NDST4: variants seen among roughly 807,000 people sequenced by gnomAD.
The protein encoded by NDST4 is N-deacetylase and N-sulfotransferase 4.
NDST4 carries 63 observed loss-of-function variants against 100.8 expected under a neutral mutation model. That is an observed-to-expected ratio of 0.62 (90% CI 0.51 to 0.77). NDST4 has a LOEUF of 0.77. NDST4 is among the 30% of genes least tolerant of loss of function. The probability of loss-of-function intolerance (pLI) is 0.00; values close to 1 mark genes in which losing one functional copy is unlikely to be tolerated. For synonymous variants in NDST4, 377 were observed against 361.8 expected, an observed-to-expected ratio of 1.04 and a Z score of -0.48; for missense variants, 943 against 1,018.4, an observed-to-expected ratio of 0.93 and a Z score of 1.01.
intron 8 of NDST4, 73 bp from the exon 9 acceptor site, chr4:114,848,411 CA>C (rs1316826174): frequency 1.7e-6 from 2 of 1,197,004 alleles, no homozygotes; most frequent in Non-Finnish European, 2.3e-6. Context: ...TATTTTTGCT[CA>C]AAAAGTAATA....
intron 2 of NDST4, among the ~76,000 whole-genome samples, chr4:114,983,323 T>C (rs994822031): frequency 2.6e-5 from 4 of 152,294 alleles, no homozygotes; most frequent in African/African-American, 9.6e-5. Context: ...AAAGCAGCCA[T>C]GGGGGCTGTA....
intron 7 of NDST4, among the ~76,000 whole-genome samples, chr4:114,866,523 T>C (rs1724029123): frequency 6.6e-6 from 1 of 152,202 alleles, no homozygotes; most frequent in African/African-American, 2.4e-5. Flanking sequence ...TGTGCCACTT[T>C]TCTTGTTCTT....
intron 1 of NDST4, among the ~76,000 whole-genome samples, chr4:115,082,063 C>T (rs542122731): frequency 1.3e-5 from 2 of 152,124 alleles, no homozygotes; most frequent in South Asian, 2.1e-4. Flanking sequence ...CTTCATGACC[C>T]CTGCACAGGC....
At chr4:115,045,658 C>A (rs996610979) in intron 2 of NDST4, among the ~76,000 whole-genome samples, 1 of 152,108 alleles carries the variant, frequency 6.6e-6, no homozygotes, top group South Asian at 2.1e-4. Context: ...TCTGGAGAGG[C>A]CACTGAGTCT....
intron 12 of NDST4, among the ~76,000 whole-genome samples, chr4:114,832,842 C>A (rs777609775): frequency 6.6e-6 from 1 of 152,178 alleles, no homozygotes; most frequent in Non-Finnish European, 1.5e-5. Context: ...AAAGCCAAGT[C>A]ATCCAGGAGG....
intron 4 of NDST4, among the ~76,000 whole-genome samples, chr4:114,938,092 G>T (rs1725672709): frequency 6.6e-6 from 1 of 152,114 alleles, no homozygotes; most frequent in South Asian, 2.1e-4. Context: ...AACTGTAAGG[G>T]GAAGAAAGTG....
intron 13 of NDST4, among the ~76,000 whole-genome samples, chr4:114,828,434 C>A (rs550454430): frequency 6.6e-6 from 1 of 152,064 alleles, no homozygotes; most frequent in African/African-American, 2.4e-5. Flanking sequence ...TTACTCAGAG[C>A]TGAAATATAT....
intron 2 of NDST4, among the ~76,000 whole-genome samples, chr4:114,982,607 G>A (rs996322934): frequency 6.6e-6 from 1 of 152,108 alleles, no homozygotes; most frequent in Admixed American, 6.6e-5. Flanking sequence ...TAAAAGTGAA[G>A]CAGAACATAA....
intron 11 of NDST4, among the ~76,000 whole-genome samples, chr4:114,836,915 T>A (rs1417559208): frequency 6.6e-6 from 1 of 152,152 alleles, no homozygotes; most frequent in Non-Finnish European, 1.5e-5. Flanking sequence ...ATTCGGCTAT[T>A]GATACTTGTG....
chr4:115,006,576 G>A (rs985480188), intron 2 of NDST4, among the ~76,000 whole-genome samples: 1 of 152,052 alleles, frequency 6.6e-6, no homozygotes, highest in African/African-American at 2.4e-5. Flanking sequence ...AACATGTAGA[G>A]GCATAGGAAT....
intron 2 of NDST4, among the ~76,000 whole-genome samples, chr4:115,013,370 T>TATATATATATATAC (rs74678897): frequency 0.07 from 4,974 of 71,006 alleles, 345 homozygotes; most frequent in Non-Finnish European, 0.087. Flanking sequence ...TATATATATA[T>TATATATATATATAC]ACACACACAT....
chr4:114,911,193 G>A (rs988066555), intron 6 of NDST4, among the ~76,000 whole-genome samples: 7 of 151,884 alleles, frequency 4.6e-5, no homozygotes, highest in African/African-American at 1.2e-4. Context: ...TTCGCATTGC[G>A]TGACTTAGTC....
intron 7 of NDST4, among the ~76,000 whole-genome samples, chr4:114,856,583 G>C (rs571382946): frequency 3.3e-5 from 5 of 152,120 alleles, no homozygotes; most frequent in Admixed American, 1.3e-4. Flanking sequence ...TTTATTCTAT[G>C]ACAGAATATA....
At chr4:114,980,687 G>T (rs144637355) in intron 2 of NDST4, among the ~76,000 whole-genome samples, 1 of 151,712 alleles carries the variant, frequency 6.6e-6, no homozygotes, top group Non-Finnish European at 1.5e-5. Flanking sequence ...AATAAAATGC[G>T]TTTAGAGCTT....
intron 13 of NDST4, 82 bp downstream of exon 13, chr4:114,829,708 A>G (rs1723152930): frequency 1.1e-6 from 1 of 929,646 alleles, no homozygotes; most frequent in Non-Finnish European, 1.6e-6. Context: ...AGAAAAAGGA[A>G]GCAAATTTCT....
chr4:114,954,962 A>G (rs1726106348), intron 4 of NDST4, among the ~76,000 whole-genome samples: 2 of 152,070 alleles, frequency 1.3e-5, no homozygotes, highest in South Asian at 2.1e-4. Flanking sequence ...GCCTTCTACC[A>G]AGGTTAGAAG....
chr4:115,092,045 C>G (rs1729530876), intron 1 of NDST4, among the ~76,000 whole-genome samples: 1 of 152,096 alleles, frequency 6.6e-6, no homozygotes, highest in Admixed American at 6.5e-5. Context: ...CATTACTCTA[C>G]TGAAGTTATG....
chr4:115,086,553 A>G (rs918991463), intron 1 of NDST4, among the ~76,000 whole-genome samples: 1 of 152,082 alleles, frequency 6.6e-6, no homozygotes, highest in Non-Finnish European at 1.5e-5. Context: ...CATAATGATA[A>G]CATTACTACC....
At chr4:115,098,492 T>C (rs1729664966) in intron 1 of NDST4, among the ~76,000 whole-genome samples, 1 of 152,036 alleles carries the variant, frequency 6.6e-6, no homozygotes, top group African/African-American at 2.4e-5. Flanking sequence ...ACGCAAAGTA[T>C]ATTTGGAAAG....
Sources: allele counts gnomAD v4.1 joint callset (sites outside exome capture counted in the v4.1 genomes callset), GRCh38; gene constraint gnomAD v4.1.1; transcripts MANE v1.5; gene names NCBI Gene and HGNC (gene_info 2026-07-23, HGNC 2026-07-21).